The following GPR35 variants were observed in gnomAD, a reference collection of about 807,000 sequenced individuals.
The protein encoded by GPR35 is KYNA receptor.
For synonymous variants in GPR35, 207 were observed against 198.4 expected (o/e 1.04, Z -0.36); for missense variants, 372 against 422.5 (o/e 0.88, Z 1.05).
rs1003989608 is a variant in GPR35, at chr2:240,631,422, G to A, written c.*540G>A. 6.6e-6 allele frequency among the ~76,000 whole-genome samples: 1 copy of A among 152,158 alleles called. No individual in the cohort carries two copies. The highest frequency in any genetic ancestry group is 1.5e-5 in the Non-Finnish European group (1 of 68,016). On this transcript the variant is annotated 3_prime_UTR_variant, in exon 2 of 2. Transcript: ENST00000407714. ...CCACCCCCACCCACCTGGAGCGTGA[G>A]CAGGGGCTGTTGGAAGCTCCTGGCA...
Position 240,631,250 on chromosome 2 carries a change from G to A in GPR35, c.*368G>A, listed in dbSNP as rs1357795548. 5 of 293,570 alleles carry A rather than the reference G, an allele frequency of 1.7e-5. No homozygotes were observed. Among genetic ancestry groups the A allele is most frequent in the African/African-American group, 1.1e-4 (5 of 46,374 alleles). 18.2% of individuals were successfully genotyped at this position (293,570 alleles called of 1,614,324 possible). On this transcript the variant is annotated 3_prime_UTR_variant, in exon 2 of 2. Coordinates refer to ENST00000407714, the MANE Select transcript of GPR35 (RefSeq NM_005301.5). ...GCTGGAATAAAACTCCCCACCCAGA[G>A]TCAGTCCTAGTGGGGCCCTCTGTGT...
intron 5 of GPR35, among the ~76,000 whole-genome samples, chr2:240,619,922 G>A (rs2953149): frequency 0.12 from 18,225 of 152,196 alleles, 1,156 homozygotes; most frequent in African/African-American, 0.15. Context: ...TCAAGCGGGG[G>A]CCCGATGGCT....
At chr2:240,622,600 A>G (rs2043308103), upstream of GPR35, among the ~76,000 whole-genome samples, 1 of 152,266 alleles carries the variant, frequency 6.6e-6, no homozygotes, top group South Asian at 2.1e-4. Flanking sequence ...GGCCACATTC[A>G]AAGCCCGCAG....
intron 1 of GPR35, among the ~76,000 whole-genome samples, chr2:240,626,203 C>T (rs2043374557): frequency 1.2e-5 from 1 of 85,978 alleles, no homozygotes; most frequent in Non-Finnish European, 2.2e-5. Context: ...CGGGGTGAGG[C>T]TGTGACGGGG....
intron 2 of GPR35, among the ~76,000 whole-genome samples, chr2:240,613,876 TCAACC>T (rs2043211986): frequency 7.0e-6 from 1 of 142,978 alleles, no homozygotes; most frequent in Non-Finnish European, 1.5e-5. Context: ...TAACCCTAAC[TCAACC>T]CAAACCTTAC....
chr2:240,632,520 T>A lies in GPR35; in HGVS notation c.*1638T>A, dbSNP rs1332921795. Among the ~76,000 whole-genome samples, 2 of 133,004 alleles carry A rather than the reference T, an allele frequency of 1.5e-5. No homozygotes were observed. Among genetic ancestry groups the A allele is most frequent in the East Asian group, 4.5e-4 (2 of 4,422 alleles). The allele number at this position is 133,004 out of a possible 152,430, so 87.3% of individuals were successfully genotyped here. On this transcript the variant is annotated 3_prime_UTR_variant, in exon 2 of 2. Coordinates refer to ENST00000407714, the MANE Select transcript of GPR35 (RefSeq NM_005301.5). ...CCCAGGAGGGTCCATGTCAAGGAGG[T>A]TCCATGCCCAGGAGGGTCCATGCTG...
intron 2 of GPR35, among the ~76,000 whole-genome samples, chr2:240,612,623 A>AG (rs1430215695): frequency 6.6e-6 from 1 of 151,972 alleles, no homozygotes; most frequent in East Asian, 1.9e-4. Flanking sequence ...GTGGACCCCG[A>AG]GGGGGTGTGA....
chr2:240,626,450 T>C (rs1025002218), intron 1 of GPR35, among the ~76,000 whole-genome samples: 1 of 147,196 alleles, frequency 6.8e-6, no homozygotes, highest in Admixed American at 6.8e-5. Context: ...TGATGGGGAG[T>C]CTCAGTGAGG....
At chr2:240,622,854 G>A (rs150877569), upstream of GPR35, among the ~76,000 whole-genome samples, 4,344 of 152,328 alleles carry the variant, frequency 0.029, 89 homozygotes, top group Admixed American at 0.045. Context: ...GGCTGGGGGC[G>A]GAGGGCCCCG....
upstream of GPR35, among the ~76,000 whole-genome samples, chr2:240,624,068 G>C (rs1432225281): frequency 6.6e-6 from 1 of 152,090 alleles, no homozygotes; most frequent in Non-Finnish European, 1.5e-5. Flanking sequence ...AGGCCTGCTT[G>C]GGGCACCATC....
upstream of GPR35, among the ~76,000 whole-genome samples, chr2:240,623,293 G>GAAACAGGTCGTGAGGGCGC (rs2043319791): frequency 3.9e-5 from 5 of 128,048 alleles, no homozygotes; most frequent in Admixed American, 2.7e-4. Flanking sequence ...TGAAGGGCTG[G>GAAACAGGTCGTGAGGGCGC]AAACAGGTCA....
At chr2:240,626,861 CAG>C (rs978686972) in intron 1 of GPR35, among the ~76,000 whole-genome samples, 1 of 152,160 alleles carries the variant, frequency 6.6e-6, no homozygotes, top group African/African-American at 2.4e-5. Context: ...CGGGTCCAGA[CAG>C]GGGGAAGGGC....
Position 240,631,037 on chromosome 2 carries a change from A to G in GPR35, c.*155A>G. 3.1e-6 allele frequency: 2 copies of G among 653,558 alleles called. No homozygotes were observed. Among genetic ancestry groups the G allele is most frequent in the South Asian group, 3.8e-5 (2 of 52,074 alleles). 40.5% of individuals were successfully genotyped at this position (653,558 alleles called of 1,614,324 possible). On this transcript the variant is annotated 3_prime_UTR_variant, in exon 2 of 2. Coordinates refer to ENST00000407714, the MANE Select transcript of GPR35 (RefSeq NM_005301.5). ...TTGGGTGGGCAGGGACGGCCCAGGT[A>G]CCTGCTCTCTTGGGAAGAGAGAGGG...
At chr2:240,617,399 T>G in intron 4 of GPR35, 1 of 615,766 alleles carries the variant, frequency 1.6e-6, no homozygotes, top group Middle Eastern at 4.4e-4. Flanking sequence ...TAGAGGTAAT[T>G]TTTTTGTGTA....
chr2:240,623,662 T>C (rs553857689), upstream of GPR35, among the ~76,000 whole-genome samples: 1 of 151,882 alleles, frequency 6.6e-6, no homozygotes, highest in Admixed American at 6.5e-5. Context: ...GGGACTGCCC[T>C]GAAGTGCCTG....
upstream of GPR35, among the ~76,000 whole-genome samples, chr2:240,620,780 G>T (rs571250298): frequency 1.3e-5 from 2 of 152,114 alleles, no homozygotes; most frequent in Admixed American, 6.5e-5. Context: ...ACCCCTGCCC[G>T]CTACCTCCTC....
At chr2:240,626,222 T>G (rs62186539) in intron 1 of GPR35, among the ~76,000 whole-genome samples, 9 of 7,506 alleles carry the variant, frequency 1.2e-3, no homozygotes, top group East Asian at 3.0e-3. Context: ...GGTCTCAGAG[T>G]GGGGTGAGGC....
At chr2:240,626,619 C>T (rs183927076) in intron 1 of GPR35, among the ~76,000 whole-genome samples, 25 of 152,248 alleles carry the variant, frequency 1.6e-4, no homozygotes, top group African/African-American at 4.6e-4. Context: ...GCTGTGGCCC[C>T]GAGGTGAGCA....
At chr2:240,613,592 T>A (rs1178157301) in intron 2 of GPR35, among the ~76,000 whole-genome samples, 1 of 151,928 alleles carries the variant, frequency 6.6e-6, no homozygotes, top group Non-Finnish European at 1.5e-5. Context: ...ACCCTAAAAT[T>A]CAGGCAGAAC....
Sources: gnomAD v4.1 joint callset for allele counts (sites outside exome capture counted in the v4.1 genomes callset) on GRCh38, gnomAD v4.1.1 for gene constraint, MANE v1.5 for transcripts, NCBI Gene and HGNC (gene_info 2026-07-23, HGNC 2026-07-21) for gene names.